DOCK8: variants seen among roughly 807,000 people sequenced by gnomAD.
The protein encoded by DOCK8 is dedicator of cytokinesis protein 8.
A neutral mutation model predicts 245.6 loss-of-function variants in DOCK8; 141 were observed. The observed-to-expected ratio is 0.57, with a 90% confidence interval of 0.50 to 0.66. The LOEUF (loss-of-function observed/expected upper bound fraction) is 0.66, where lower values mean the gene tolerates loss of function less well. DOCK8 is among the 30% of genes least tolerant of loss of function. The pLI, the probability that DOCK8 is intolerant of heterozygous loss-of-function variation, is 0.00. For synonymous variants in DOCK8, 1,168 were observed against 970.2 expected, an observed-to-expected ratio of 1.20 and a Z score of -3.79; for missense variants, 2,965 against 2,603.4, an observed-to-expected ratio of 1.14 and a Z score of -3.02.
chr9:418,670 G>C (rs938429585), intron 30 of DOCK8, among the ~76,000 whole-genome samples: 24 of 152,210 alleles, frequency 1.6e-4, no homozygotes, highest in Admixed American at 1.6e-3. Context: ...CAGCTGAGGT[G>C]CACACAAGTC....
intron 1 of DOCK8, chr9:267,877 A>G (rs970909638): frequency 1.3e-5 from 2 of 152,220 alleles, no homozygotes; most frequent in Non-Finnish European, 2.9e-5. Flanking sequence ...ATTTCTGCTC[A>G]AAATTATATT....
At chr9:324,093 G>A (rs762824305) in intron 7 of DOCK8, among the ~76,000 whole-genome samples, 7 of 152,228 alleles carry the variant, frequency 4.6e-5, no homozygotes, top group East Asian at 3.8e-4. Flanking sequence ...TCAGAAAGGC[G>A]AGTAACCTGA....
At chr9:449,756 C>T in intron 44 of DOCK8, 28 bp from the exon 45 acceptor site, 9 of 1,612,240 alleles carry the variant, frequency 5.6e-6, no homozygotes, top group Non-Finnish European at 7.6e-6. Flanking sequence ...CAGACAGTGA[C>T]TTCCCTATGT....
intron 20 of DOCK8, 54 bp from the exon 21 acceptor site, chr9:379,717 C>T (rs994051619): frequency 1.9e-6 from 3 of 1,598,394 alleles, no homozygotes; most frequent in African/African-American, 2.7e-5. Flanking sequence ...ACTTCCACCT[C>T]AGGCTCCTTA....
At chr9:384,841 G>T (rs1042915807) in intron 22 of DOCK8, among the ~76,000 whole-genome samples, 1 of 152,162 alleles carries the variant, frequency 6.6e-6, no homozygotes, top group Non-Finnish European at 1.5e-5. Flanking sequence ...GCGTGAACCC[G>T]GGAGGCGGAG....
intron 33 of DOCK8, among the ~76,000 whole-genome samples, chr9:425,555 AAAAG>A (rs1287307562): frequency 6.6e-6 from 1 of 151,632 alleles, no homozygotes; most frequent in Non-Finnish European, 1.5e-5. Flanking sequence ...AAAAAAAAAA[AAAAG>A]GATGATGAGG....
intron 7 of DOCK8, among the ~76,000 whole-genome samples, chr9:318,357 A>G (rs1173876026): frequency 6.6e-6 from 1 of 152,208 alleles, no homozygotes; most frequent in Non-Finnish European, 1.5e-5. Flanking sequence ...GTGAGAAGGC[A>G]TCTGGATTCT....
At chr9:340,566 A>G (rs901185408) in intron 14 of DOCK8, 12 of 452,056 alleles carry the variant, frequency 2.7e-5, no homozygotes, top group African/African-American at 1.4e-4. Context: ...GGTTGCAGTG[A>G]GCCAAGATTG....
intron 7 of DOCK8, among the ~76,000 whole-genome samples, chr9:324,092 C>T (rs1026169101): frequency 1.3e-5 from 2 of 152,200 alleles, no homozygotes; most frequent in Non-Finnish European, 2.9e-5. Flanking sequence ...TTCAGAAAGG[C>T]GAGTAACCTG....
At chr9:347,845 A>G (rs1223480541) in intron 14 of DOCK8, among the ~76,000 whole-genome samples, 1 of 152,222 alleles carries the variant, frequency 6.6e-6, no homozygotes. Flanking sequence ...GCCTAAGGTT[A>G]TGACAGCAAA....
chr9:418,184 A>C lies in DOCK8; in HGVS notation c.3817A>C (p.Ser1273Arg), dbSNP rs749342237. 1 of 1,614,256 alleles carries C rather than the reference A, an allele frequency of 6.2e-7. No individual in the cohort carries two copies. Among genetic ancestry groups the C allele is most frequent in the Admixed American group, 1.7e-5 (1 of 60,032 alleles). The stretch of plus-strand genomic sequence containing the variant: ...AGGGAATAATTTCAATTTGAAAACA[A>C]GTGGAATAGTGCTGTCTTCCTTGGT... The part of the protein sequence containing the change: ...IAGNNFNLKT[S>R]GIVLSSLPYK... The change falls in exon 30 of 48, where the codon AGT becomes CGT. Residue 1273 changes from serine (S) to arginine (R), a missense_variant. Ser to Arg is a moderately radical substitution (Grantham distance 110, BLOSUM62 -1). This residue lies in a region of DOCK8 where 2,825 missense variants were observed against 2,453.5 expected (regional missense o/e 1.15). Transcript: ENST00000432829.
Position 311,978 on chromosome 9 carries a change from C to G in DOCK8, c.553C>G (p.Leu185Val). ...GGCAGGCCCCCGCCACTTAAACGTG[C>G]TGTGCGACGTGTCTGGGAAAGGCCC... ...AQAGPRHLNVLCDVSGKGPVT... is the reference protein window; with the variant it reads ...AQAGPRHLNVVCDVSGKGPVT... The change falls in exon 6 of 48, where the codon CTG becomes GTG. Residue 185 changes from leucine (L) to valine (V), a missense_variant. Physicochemically the swap from Leu to Val is conservative, Grantham distance 32 (BLOSUM62 1). Coordinates refer to ENST00000432829, the MANE Select transcript of DOCK8 (RefSeq NM_203447.4). 1 of 1,614,160 alleles carries G rather than the reference C, an allele frequency of 6.2e-7. No homozygotes were observed.
chr9:283,957 AC>A (rs2048703999), intron 2 of DOCK8, among the ~76,000 whole-genome samples: 1 of 152,212 alleles, frequency 6.6e-6, no homozygotes, highest in African/African-American at 2.4e-5. Flanking sequence ...AAGAATGCAT[AC>A]CTCACAGGGT....
intron 28 of DOCK8, 28 bp downstream of exon 28, chr9:407,097 A>G (rs767784899): frequency 7.4e-6 from 12 of 1,613,846 alleles, no homozygotes; most frequent in South Asian, 6.6e-5. Flanking sequence ...AAAATGGAAG[A>G]TGAAGCCAAA....
rs533891748 is a variant in DOCK8, at chr9:220,907, G to C, written c.53+5878G>C. On this transcript the variant is annotated intron_variant, in intron 1 of 47. Transcript: ENST00000432829. The stretch of plus-strand genomic sequence containing the variant: ...GGCTAATTTTTGTATTTTTAGTAGA[G>C]ATGGGGTTTCACCGTGTTGTTCAGG... The C allele has an allele frequency of 2.2e-3, 600 of 275,032 alleles. 6 individuals carry two copies. The highest frequency in any genetic ancestry group is 6.1e-3 in the South Asian group (209 of 34,474). The allele number at this position is 275,032 out of a possible 1,614,324, so 17.0% of individuals were successfully genotyped here. A position where few individuals can be genotyped will look rare whatever the true frequency, so the allele number is the denominator to read the frequency against.
At chr9:400,063 T>A (rs1360694249) in intron 26 of DOCK8, among the ~76,000 whole-genome samples, 4 of 49,422 alleles carry the variant, frequency 8.1e-5, no homozygotes, top group African/African-American at 3.6e-4. Flanking sequence ...CACCACCTCC[T>A]TCACCATCAC....
At chr9:215,671 AT>A in intron 1 of DOCK8, 1 of 380,304 alleles carries the variant, frequency 2.6e-6, no homozygotes, top group Non-Finnish European at 4.8e-6. Context: ...ACATTTTGAG[AT>A]TTACAGAACT....
intron 36 of DOCK8, 69 bp downstream of exon 36, chr9:429,923 A>G: frequency 2.6e-6 from 4 of 1,564,462 alleles, no homozygotes; most frequent in Non-Finnish European, 2.6e-6. Context: ...ATCAGCTGCG[A>G]AAAAAAATAA....
In DOCK8 at chr9:428,457, G is replaced by C; in HGVS notation, c.4434G>C (p.Leu1478=). 1 of 1,614,174 alleles carries C rather than the reference G, an allele frequency of 6.2e-7. No homozygotes were observed. The highest frequency in any genetic ancestry group is 8.5e-7 in the Non-Finnish European group (1 of 1,180,026). Residue 1478 remains leucine (L), a synonymous_variant, in exon 35 of 48, where the codon CTG becomes CTC. Coordinates refer to ENST00000432829, the MANE Select transcript of DOCK8 (RefSeq NM_203447.4). The part of the protein sequence containing the change: ...SLNCDQSTTY[L]THCFATLRAL... Reference sequence around the variant, plus strand: ...ACTGTGATCAGAGTACCACCTACCTGACTCACTGCTTTGCAACACTCCGTG... The same window carrying C: ...ACTGTGATCAGAGTACCACCTACCTCACTCACTGCTTTGCAACACTCCGTG...
Sources: gnomAD v4.1 joint callset for allele counts (sites outside exome capture counted in the v4.1 genomes callset) on GRCh38, gnomAD v4.1.1 for gene constraint, gnomAD v4.1.1 regional missense constraint, MANE v1.5 for transcripts, NCBI Gene and HGNC (gene_info 2026-07-23, HGNC 2026-07-21) for gene names.